Variants in XKR4 observed in about 807,000 individuals in gnomAD.
The protein encoded by XKR4 is XK related 4, also known as XK-related protein 4.
In XKR4, 12 loss-of-function variants were observed where a neutral mutation model predicts 53.9. The ratio of observed to expected loss-of-function variants is 0.22; its 90% CI spans 0.14 to 0.36. XKR4 has a LOEUF of 0.36. XKR4 is among the 10% of genes least tolerant of loss of function. The pLI, the probability that XKR4 is intolerant of heterozygous loss-of-function variation, is 1.00. For missense variants in XKR4, 799 were observed against 859.5 expected (o/e 0.93, Z 0.88); for synonymous variants, 354 against 362.4 (o/e 0.98, Z 0.26).
chr8:55,208,002 C>T (rs1377070347), intron 1 of XKR4, among the ~76,000 whole-genome samples: 1 of 152,166 alleles, frequency 6.6e-6, no homozygotes, highest in Admixed American at 6.5e-5. Flanking sequence ...TGATAGTAGC[C>T]TGTGGGCTAT....
intron 1 of XKR4, among the ~76,000 whole-genome samples, chr8:55,186,819 A>G (rs1011755251): frequency 4.6e-5 from 7 of 152,164 alleles, no homozygotes; most frequent in Admixed American, 6.5e-5. Context: ...GATCCCCCAG[A>G]TTAAGTAATA....
chr8:55,279,243 G>A (rs577863310), intron 1 of XKR4, among the ~76,000 whole-genome samples: 5 of 152,314 alleles, frequency 3.3e-5, no homozygotes, highest in African/African-American at 1.2e-4. Flanking sequence ...CTTGAAAAGT[G>A]TTAACCGTGA....
At chr8:55,303,771 T>A (rs1819244472) in intron 1 of XKR4, among the ~76,000 whole-genome samples, 1 of 151,860 alleles carries the variant, frequency 6.6e-6, no homozygotes, top group South Asian at 2.1e-4. Context: ...CTAGATTTTC[T>A]AGTTTATTTG....
intron 1 of XKR4, among the ~76,000 whole-genome samples, chr8:55,324,750 G>T (rs1002610409): frequency 1.3e-5 from 2 of 152,092 alleles, no homozygotes; most frequent in African/African-American, 2.4e-5. Flanking sequence ...TGAGACTAGG[G>T]GACAGGAAAT....
chr8:55,303,355 T>A (rs1231906037), intron 1 of XKR4, among the ~76,000 whole-genome samples: 3 of 152,204 alleles, frequency 2.0e-5, no homozygotes, highest in Non-Finnish European at 4.4e-5. Flanking sequence ...GCCCACTTGA[T>A]CATGGTGGAT....
intron 1 of XKR4, among the ~76,000 whole-genome samples, chr8:55,194,042 C>T (rs1416037634): frequency 6.6e-6 from 1 of 152,210 alleles, no homozygotes; most frequent in Non-Finnish European, 1.5e-5. Flanking sequence ...GGTCCCCCTC[C>T]TGTCCACCTT....
At chr8:55,139,088 A>T (rs1816667102) in intron 1 of XKR4, among the ~76,000 whole-genome samples, 1 of 152,158 alleles carries the variant, frequency 6.6e-6, no homozygotes, top group Non-Finnish European at 1.5e-5. Flanking sequence ...TTGGGACAAG[A>T]TTCTATAAAC....
intron 2 of XKR4, among the ~76,000 whole-genome samples, chr8:55,402,347 C>T (rs907068971): frequency 2.6e-5 from 4 of 152,190 alleles, no homozygotes; most frequent in Non-Finnish European, 5.9e-5. Flanking sequence ...ACACTTAGAA[C>T]ATGAACCACT....
At chr8:55,289,711 A>AAGAAAG (rs1818972575) in intron 1 of XKR4, among the ~76,000 whole-genome samples, 1 of 104,676 alleles carries the variant, frequency 9.6e-6, no homozygotes, top group African/African-American at 2.9e-5. Context: ...GAAAGAAAGA[A>AAGAAAG]AGAGAGAGAA....
intron 2 of XKR4, among the ~76,000 whole-genome samples, chr8:55,498,123 TG>T (rs927301329): frequency 1.6e-4 from 25 of 152,258 alleles, no homozygotes; most frequent in African/African-American, 6.0e-4. Flanking sequence ...TATCTCTGAA[TG>T]TGTGTTTGCT....
chr8:55,273,142 C>CTCTG (rs376424582), intron 1 of XKR4, among the ~76,000 whole-genome samples: 3 of 147,444 alleles, frequency 2.0e-5, no homozygotes, highest in African/African-American at 7.6e-5. Flanking sequence ...GAAAAGAGGA[C>CTCTG]TGTGTGTGTG....
intron 2 of XKR4, among the ~76,000 whole-genome samples, chr8:55,501,335 G>A (rs1348413225): frequency 6.6e-6 from 1 of 152,118 alleles, no homozygotes; most frequent in Non-Finnish European, 1.5e-5. Context: ...CCATTTTTAA[G>A]TGTACGGTTC....
At chr8:55,483,013 C>T (rs1806134390) in intron 2 of XKR4, among the ~76,000 whole-genome samples, 2 of 152,166 alleles carry the variant, frequency 1.3e-5, no homozygotes, top group African/African-American at 4.8e-5. Context: ...GAGAAAATTA[C>T]TCAAATTCTC....
chr8:55,175,422 A>G (rs1357444015), intron 1 of XKR4, among the ~76,000 whole-genome samples: 2 of 152,222 alleles, frequency 1.3e-5, no homozygotes, highest in Admixed American at 1.3e-4. Flanking sequence ...TGCCCTGGTT[A>G]AGAGATGCAG....
chr8:55,454,298 G>A (rs371267111), intron 2 of XKR4: 15 of 1,439,598 alleles, frequency 1.0e-5, no homozygotes, highest in South Asian at 8.0e-5. Context: ...CTGGAAGGCC[G>A]CATTGACCCC....
intron 1 of XKR4, among the ~76,000 whole-genome samples, chr8:55,255,263 A>T (rs1048671518): frequency 6.6e-6 from 1 of 152,182 alleles, no homozygotes; most frequent in African/African-American, 2.4e-5. Flanking sequence ...GCCTTAGATA[A>T]GTTATTTTAC....
chr8:55,252,927 G>A (rs918511104), intron 1 of XKR4, among the ~76,000 whole-genome samples: 2 of 152,070 alleles, frequency 1.3e-5, no homozygotes, highest in Non-Finnish European at 2.9e-5. Context: ...TCTGGGGCTC[G>A]TTGCCTTCAG....
At chr8:55,268,201 G>A (rs1232068103) in intron 1 of XKR4, among the ~76,000 whole-genome samples, 1 of 152,190 alleles carries the variant, frequency 6.6e-6, no homozygotes. Context: ...AAAACGAATG[G>A]AGAGGGTAAC....
chr8:55,253,480 A>G (rs1235701161), intron 1 of XKR4, among the ~76,000 whole-genome samples: 1 of 152,176 alleles, frequency 6.6e-6, no homozygotes, highest in African/African-American at 2.4e-5. Flanking sequence ...CCAACCCCAT[A>G]ATTTTTCCAA....
Sources: gnomAD v4.1 joint callset for allele counts (sites outside exome capture counted in the v4.1 genomes callset) on GRCh38, gnomAD v4.1.1 for gene constraint, MANE v1.5 for transcripts, NCBI Gene and HGNC (gene_info 2026-07-23, HGNC 2026-07-21) for gene names.